Variants in CACNA1C observed in about 807,000 individuals in gnomAD.
CACNA1C encodes voltage-dependent L-type calcium channel subunit alpha-1C.
CACNA1C carries 30 observed loss-of-function variants against 229.0 expected under a neutral mutation model. That is an observed-to-expected ratio of 0.13 (90% CI 0.10 to 0.18). The LOEUF (loss-of-function observed/expected upper bound fraction) is 0.18, where lower values mean the gene tolerates loss of function less well. CACNA1C is among the 10% of genes least tolerant of loss of function. The pLI is 1.00. For synonymous variants in CACNA1C, 1,114 were observed against 1,132.5 expected (o/e 0.98, Z 0.33); for missense variants, 1,658 against 2,845.0 (o/e 0.58, Z 9.49).
At chr12:2,279,578 C>A (rs751466173) in intron 3 of CACNA1C, among the ~76,000 whole-genome samples, 10 of 152,314 alleles carry the variant, frequency 6.6e-5, no homozygotes, top group Non-Finnish European at 1.0e-4. Flanking sequence ...CCTTTCTAAT[C>A]CCTAGTGATA....
intron 18 of CACNA1C, among the ~76,000 whole-genome samples, chr12:2,588,160 T>C (rs1489269220): frequency 6.6e-6 from 1 of 152,194 alleles, no homozygotes; most frequent in Non-Finnish European, 1.5e-5. Flanking sequence ...CGTGGCCTGT[T>C]GTCTCTGTTC....
intron 29 of CACNA1C, among the ~76,000 whole-genome samples, chr12:2,619,820 C>T (rs1036506248): frequency 6.6e-5 from 10 of 152,066 alleles, no homozygotes; most frequent in Middle Eastern, 3.2e-3. Flanking sequence ...ACGTGCTAGG[C>T]GGTAGGCTTG....
intron 3 of CACNA1C, among the ~76,000 whole-genome samples, chr12:2,335,296 C>T (rs1483856886): frequency 1.3e-5 from 2 of 152,064 alleles, no homozygotes; most frequent in Admixed American, 6.5e-5. Flanking sequence ...CTGCAGGCTC[C>T]CACCTTCCGG....
At chr12:2,258,377 A>G (rs1382628782) in intron 3 of CACNA1C, among the ~76,000 whole-genome samples, 2 of 152,174 alleles carry the variant, frequency 1.3e-5, no homozygotes, top group African/African-American at 4.8e-5. Flanking sequence ...TTGTTTTAAA[A>G]TATGTATTTT....
At chr12:2,465,682 G>A (rs543560398) in intron 5 of CACNA1C, among the ~76,000 whole-genome samples, 5 of 152,202 alleles carry the variant, frequency 3.3e-5, no homozygotes, top group Non-Finnish European at 5.9e-5. Context: ...CATACAAAAC[G>A]TTCAAAAAAA....
At chr12:2,454,304 T>C (rs1041367310) in intron 4 of CACNA1C, among the ~76,000 whole-genome samples, 12 of 152,198 alleles carry the variant, frequency 7.9e-5, no homozygotes, top group African/African-American at 2.9e-4. Flanking sequence ...CCCATGGCTA[T>C]AGCCAATATC....
rs1327993744 is a variant in CACNA1C at position 2,493,413 on chromosome 12, G to A, written c.1113+27G>A. The A allele has an allele frequency of 6.3e-7, 1 of 1,581,486 alleles. No homozygotes were observed. The highest frequency in any genetic ancestry group is 2.3e-5 in the East Asian group (1 of 44,306). On this transcript the variant is annotated intron_variant, in intron 7 of 46. Transcript: ENST00000399655. The surrounding 1 kb of genome is among the most constrained non-coding windows in gnomAD (Gnocchi z 4.6). Reference sequence around the variant, plus strand: ...TACGTAGCATGAGTGGGCAGTCAGAGGGTGGGGGAACAGCGGCCGTGAACC... The same window carrying A: ...TACGTAGCATGAGTGGGCAGTCAGAAGGTGGGGGAACAGCGGCCGTGAACC...
intron 5 of CACNA1C, among the ~76,000 whole-genome samples, chr12:2,468,566 A>G (rs1230171835): frequency 6.6e-6 from 1 of 152,254 alleles, no homozygotes; most frequent in Non-Finnish European, 1.5e-5. Context: ...GGAAGAGAAC[A>G]CAGCTTCCTG....
chr12:2,627,052 C>G (rs535543623), intron 29 of CACNA1C, among the ~76,000 whole-genome samples: 2 of 152,224 alleles, frequency 1.3e-5, no homozygotes, highest in East Asian at 3.9e-4. Context: ...GAGAGCAGCC[C>G]CCCTCGCCTC....
At chr12:2,615,560 G>A (rs1289975088) in intron 29 of CACNA1C, among the ~76,000 whole-genome samples, 1 of 151,566 alleles carries the variant, frequency 6.6e-6, no homozygotes. Context: ...ACTCCCAATT[G>A]CACTTTGCTG....
intron 2 of CACNA1C, among the ~76,000 whole-genome samples, chr12:2,117,261 ACT>A (rs1334692901): frequency 4.6e-5 from 7 of 152,290 alleles, no homozygotes; most frequent in African/African-American, 1.7e-4. Context: ...AAAGAGTGAA[ACT>A]CTGTCTCAAA....
chr12:2,591,526 C>T (rs1044911427), intron 18 of CACNA1C, among the ~76,000 whole-genome samples: 1 of 152,078 alleles, frequency 6.6e-6, no homozygotes, highest in South Asian at 2.1e-4. Flanking sequence ...TGCTGGGATC[C>T]ATGGAAAGGT....
intron 3 of CACNA1C, among the ~76,000 whole-genome samples, chr12:2,300,825 CT>C (rs2094497801): frequency 6.6e-6 from 1 of 152,090 alleles, no homozygotes; most frequent in Non-Finnish European, 1.5e-5. Flanking sequence ...ATGGAGGTGG[CT>C]GGGGGAGCCT....
chr12:2,280,995 G>A (rs914036312), intron 3 of CACNA1C, among the ~76,000 whole-genome samples: 1 of 152,058 alleles, frequency 6.6e-6, no homozygotes, highest in African/African-American at 2.4e-5. Context: ...AAGTTTTAGG[G>A]TACATGTGCA....
At chr12:2,273,325 T>A (rs1555388840) in intron 3 of CACNA1C, among the ~76,000 whole-genome samples, 1 of 152,232 alleles carries the variant, frequency 6.6e-6, no homozygotes, top group Non-Finnish European at 1.5e-5. Context: ...TTATTAAAAA[T>A]TTTCTTTTCA....
intron 3 of CACNA1C, among the ~76,000 whole-genome samples, chr12:2,447,923 G>A (rs1567734598): frequency 6.6e-6 from 1 of 152,264 alleles, no homozygotes; most frequent in East Asian, 1.9e-4. Flanking sequence ...ACTCTGGAGG[G>A]CCTATGCCCG....
chr12:2,212,972 A>T (rs1013093368), intron 3 of CACNA1C, among the ~76,000 whole-genome samples: 1 of 152,204 alleles, frequency 6.6e-6, no homozygotes, highest in Non-Finnish European at 1.5e-5. Context: ...GATTGTTAAA[A>T]TATCCTCTTG....
intron 3 of CACNA1C, among the ~76,000 whole-genome samples, chr12:2,298,816 A>G (rs1385572344): frequency 6.6e-6 from 1 of 152,156 alleles, no homozygotes; most frequent in African/African-American, 2.4e-5. Flanking sequence ...CAGTGGACCC[A>G]TCGAGGGGCT....
At chr12:2,206,853 A>G (rs10848633) in intron 3 of CACNA1C, among the ~76,000 whole-genome samples, 50,495 of 152,124 alleles carry the variant, frequency 0.33, 9,007 homozygotes, top group South Asian at 0.39. Flanking sequence ...TTCCTGGGAG[A>G]ATACATTTTG....
Sources: gnomAD v4.1 joint callset for allele counts (sites outside exome capture counted in the v4.1 genomes callset) on GRCh38, gnomAD v4.1.1 for gene constraint, Gnocchi (gnomAD v3.1) non-coding constraint, MANE v1.5 for transcripts, NCBI Gene and HGNC (gene_info 2026-07-23, HGNC 2026-07-21) for gene names.